The following STXBP5L variants were observed in gnomAD, a reference collection of about 807,000 sequenced individuals.
STXBP5L encodes the protein syntaxin-binding protein 5-like.
Under a neutral mutation model 144.5 loss-of-function variants are expected in STXBP5L, and 65 were observed. The ratio of observed to expected loss-of-function variants is 0.45; its 90% CI spans 0.37 to 0.55. STXBP5L has a LOEUF of 0.55. STXBP5L is among the 20% of genes least tolerant of loss of function. The pLI is 0.00. For missense variants in STXBP5L, 1,298 were observed against 1,405.5 expected (o/e 0.92, Z 1.22); for synonymous variants, 505 against 469.6 (o/e 1.08, Z -0.97).
intron 5 of STXBP5L, among the ~76,000 whole-genome samples, chr3:121,088,133 C>A (rs1269896628): frequency 2.0e-5 from 3 of 150,902 alleles, no homozygotes; most frequent in Non-Finnish European, 4.4e-5. Context: ...GCAAAAGAAA[C>A]TACCATCAGA....
At chr3:121,325,803 A>G (rs1463492722) in intron 20 of STXBP5L, among the ~76,000 whole-genome samples, 4 of 151,952 alleles carry the variant, frequency 2.6e-5, no homozygotes, top group Non-Finnish European at 5.9e-5. Context: ...ATTATCTTTA[A>G]TCCTTACATC....
chr3:121,414,027 T>C (rs1439203470), intron 24 of STXBP5L, among the ~76,000 whole-genome samples: 1 of 152,166 alleles, frequency 6.6e-6, no homozygotes, highest in Non-Finnish European at 1.5e-5. Flanking sequence ...CTTTGGAGCA[T>C]TGTTGTCAGA....
rs1181975396 is a variant in STXBP5L at position 121,407,432 on chromosome 3, C to A, written c.2777C>A (p.Thr926Lys). The change falls in exon 23 of 27, where the codon ACA becomes AAA. Residue 926 changes from threonine (T) to lysine (K), a missense_variant. Coordinates refer to ENST00000471454, the MANE Select transcript of STXBP5L (RefSeq NM_001308330.2). The part of the protein sequence containing the change: ...ASQEIGDHQY[T>K]IICSEKQAKV... ...CAAGAAATAGGAGATCATCAGTATACAATAATCTGCTCAGAAAAACAAGCC... is the reference window on the plus strand; with the variant it reads ...CAAGAAATAGGAGATCATCAGTATAAAATAATCTGCTCAGAAAAACAAGCC... 2.5e-6 allele frequency: 4 copies of A among 1,613,252 alleles called. No homozygotes were observed. The highest frequency in any genetic ancestry group is 3.4e-6 in the Non-Finnish European group (4 of 1,179,446).
chr3:121,215,317 G>T (rs1454870987), intron 10 of STXBP5L, among the ~76,000 whole-genome samples: 1 of 152,092 alleles, frequency 6.6e-6, no homozygotes, highest in East Asian at 1.9e-4. Context: ...TTACAATATG[G>T]TATGTTTTTG....
At chr3:121,366,075 G>T (rs994871265) in intron 20 of STXBP5L, among the ~76,000 whole-genome samples, 1 of 151,768 alleles carries the variant, frequency 6.6e-6, no homozygotes, top group Admixed American at 6.6e-5. Context: ...TTTCTCAATT[G>T]TACTTCTGTT....
chr3:121,117,058 A>T (rs902094321), intron 6 of STXBP5L, among the ~76,000 whole-genome samples: 5 of 151,916 alleles, frequency 3.3e-5, no homozygotes, highest in African/African-American at 1.2e-4. Context: ...AATCCTTTTC[A>T]TGGTTCAGAT....
chr3:121,162,407 A>G (rs1215929312), intron 9 of STXBP5L, among the ~76,000 whole-genome samples: 1 of 152,210 alleles, frequency 6.6e-6, no homozygotes, highest in Admixed American at 6.5e-5. Context: ...TATACCTTAT[A>G]TAAAAATCAA....
chr3:121,313,221 C>A (rs1332084153), intron 19 of STXBP5L, among the ~76,000 whole-genome samples: 103 of 112,954 alleles, frequency 9.1e-4, no homozygotes, highest in Middle Eastern at 4.6e-3. Context: ...GGGGGCTGAC[C>A]CCCCCCACCT....
At chr3:121,259,575 C>A (rs2108388315) in intron 18 of STXBP5L, among the ~76,000 whole-genome samples, 1 of 152,080 alleles carries the variant, frequency 6.6e-6, no homozygotes, top group South Asian at 2.1e-4. Context: ...TTTTATTTTT[C>A]AGTTCTAGAC....
chr3:121,407,553 C>T lies in STXBP5L; in HGVS notation c.2898C>T (p.Ser966=). Residue 966 remains serine (S), a synonymous_variant, in exon 23 of 27, where the codon AGC becomes AGT. Coordinates refer to ENST00000471454, the MANE Select transcript of STXBP5L (RefSeq NM_001308330.2). The part of the protein sequence containing the change: ...ILQANVVVMC[S]SACLACFCAN... ...AAGCAAATGTGGTGGTCATGTGTAG[C>T]AGTGCCTGCTTGGCATGCTTTTGTG... The T allele has an allele frequency of 6.2e-7, 1 of 1,613,342 alleles. No homozygotes were observed. The highest frequency in any genetic ancestry group is 1.1e-5 in the South Asian group (1 of 91,054).
At chr3:121,182,158 T>C (rs1246353237) in intron 9 of STXBP5L, among the ~76,000 whole-genome samples, 2 of 152,172 alleles carry the variant, frequency 1.3e-5, no homozygotes, top group African/African-American at 4.8e-5. Flanking sequence ...TTAAACTATA[T>C]GCTAGACCAA....
intron 5 of STXBP5L, among the ~76,000 whole-genome samples, chr3:121,092,313 C>T (rs1444760931): frequency 6.6e-6 from 1 of 152,030 alleles, no homozygotes; most frequent in Non-Finnish European, 1.5e-5. Flanking sequence ...TGATGAAAGT[C>T]ATTGGTAGCT....
intron 5 of STXBP5L, among the ~76,000 whole-genome samples, chr3:121,048,102 A>G (rs574284223): frequency 2.0e-5 from 3 of 152,152 alleles, no homozygotes; most frequent in Non-Finnish European, 4.4e-5. Flanking sequence ...TCCTAGGTTT[A>G]TGAAGCTTAG....
intron 7 of STXBP5L, among the ~76,000 whole-genome samples, chr3:121,140,626 A>G (rs1251121699): frequency 4.6e-5 from 7 of 152,180 alleles, no homozygotes; most frequent in Non-Finnish European, 1.0e-4. Context: ...TAAGGGAAAT[A>G]AGCCAGAAAC....
At chr3:121,221,192 G>A (rs1329523148) in intron 10 of STXBP5L, among the ~76,000 whole-genome samples, 1 of 151,868 alleles carries the variant, frequency 6.6e-6, no homozygotes, top group East Asian at 1.9e-4. Flanking sequence ...TTTTTATTCA[G>A]TCACTCAGTA....
chr3:121,271,206 T>C (rs1559924508), intron 18 of STXBP5L, among the ~76,000 whole-genome samples: 1 of 152,220 alleles, frequency 6.6e-6, no homozygotes, highest in Admixed American at 6.5e-5. Flanking sequence ...ACTTGTTTAC[T>C]ATATAAGTAT....
intron 5 of STXBP5L, among the ~76,000 whole-genome samples, chr3:121,074,013 C>A (rs1367264273): frequency 6.6e-6 from 1 of 152,226 alleles, no homozygotes; most frequent in Non-Finnish European, 1.5e-5. Context: ...TGAAAGCACT[C>A]TTCTTTTGTG....
chr3:121,381,474 A>T lies in STXBP5L; in HGVS notation c.2529A>T (p.Leu843Phe). Residue 843 changes from leucine (L) to phenylalanine (F), a missense_variant, in exon 22 of 27, where the codon TTA (leucine) becomes TTT (phenylalanine). Leu to Phe is a conservative substitution (Grantham distance 22). Coordinates refer to ENST00000471454, the MANE Select transcript of STXBP5L (RefSeq NM_001308330.2). ...TSLGMVLIIS[L>F]NLPLADEQRF... ...TGGGAATGGTGTTAATCATCTCCTT[A>T]AACCTACCATTAGCAGATGAACAAA... 1 of 1,598,096 alleles carries T rather than the reference A, an allele frequency of 6.3e-7. No individual in the cohort carries two copies. The highest frequency in any genetic ancestry group is 8.5e-7 in the Non-Finnish European group (1 of 1,175,792).
chr3:121,064,684 A>G (rs564340455), intron 5 of STXBP5L, among the ~76,000 whole-genome samples: 2 of 152,290 alleles, frequency 1.3e-5, no homozygotes, highest in East Asian at 3.9e-4. Context: ...TTTTTTGTAG[A>G]GATGTTCCAC....
Sources: allele counts gnomAD v4.1 joint callset (sites outside exome capture counted in the v4.1 genomes callset), GRCh38; gene constraint gnomAD v4.1.1; transcripts MANE v1.5; gene names NCBI Gene and HGNC (gene_info 2026-07-23, HGNC 2026-07-21).